Variants in HBS1L observed in about 807,000 individuals in gnomAD.
The protein encoded by HBS1L is HBS1 like translational GTPase, also known as HBS1-like protein.
A neutral mutation model predicts 88.9 loss-of-function variants in HBS1L; 55 were observed. The ratio of observed to expected loss-of-function variants is 0.62; its 90% confidence interval spans 0.50 to 0.77. The LOEUF (loss-of-function observed/expected upper bound fraction) is 0.77. Ranked by LOEUF, HBS1L falls within the 30% of genes least tolerant of loss-of-function variation. HBS1L has a pLI of 0.00. For missense variants in HBS1L, 741 were observed against 829.3 expected (o/e 0.89, Z 1.31); for synonymous variants, 267 against 288.5 (o/e 0.93, Z 0.76).
intron 13 of HBS1L, among the ~76,000 whole-genome samples, chr6:134,980,839 G>C (rs1461050762): frequency 6.6e-6 from 1 of 151,758 alleles, no homozygotes; most frequent in African/African-American, 2.4e-5. Flanking sequence ...ACTGGTTAAA[G>C]AGCCACAGTA....
At chr6:135,020,614 T>C (rs1255237907) in intron 4 of HBS1L, among the ~76,000 whole-genome samples, 2 of 152,064 alleles carry the variant, frequency 1.3e-5, no homozygotes, top group Admixed American at 6.5e-5. Flanking sequence ...CTATCAATGC[T>C]ATTATGAATA....
chr6:135,015,103 C>G (rs971237481), intron 4 of HBS1L, among the ~76,000 whole-genome samples: 1 of 152,040 alleles, frequency 6.6e-6, no homozygotes, highest in Admixed American at 6.6e-5. Flanking sequence ...GTTGGATAAT[C>G]AGGTTTACAG....
At chr6:135,042,898 C>A (rs966382376) in intron 2 of HBS1L, among the ~76,000 whole-genome samples, 1 of 151,612 alleles carries the variant, frequency 6.6e-6, no homozygotes, top group Non-Finnish European at 1.5e-5. Context: ...ACGGAAAATA[C>A]AGACTTTAAT....
Position 135,039,662 on chromosome 6 carries a change from T to G in HBS1L, c.341A>C (p.Lys114Thr), listed in dbSNP as rs780130663. ...TTGTTCCAGAACCCCTGACAAAGCC[T>G]TCTGCACATCAAACTTGTTCTTCAG... The part of the protein sequence containing the change: ...AVLKNKFDVQ[K>T]ALSGVLEQDR... The change falls in exon 4 of 18, where the codon AAG becomes ACG. Residue 114 changes from lysine (K) to threonine (T), a missense_variant. This residue lies in a region of HBS1L where 556 missense variants were observed against 598.4 expected (regional missense o/e 0.93). Coordinates refer to ENST00000367837, the MANE Select transcript of HBS1L (RefSeq NM_006620.4). 3.7e-5 allele frequency: 60 copies of G among 1,614,034 alleles called. No homozygotes were observed. The East Asian group carries it at 1.3e-3, about 34-fold the overall frequency.
chr6:135,002,714 G>A lies in HBS1L; in HGVS notation c.539+20C>T. On this transcript the variant is annotated intron_variant, in intron 5 of 17. Transcript: ENST00000367837. The stretch of plus-strand genomic sequence containing the variant: ...ACTTGGGGGTGGGGGTGGGGATGAG[G>A]GAGGTACTCAAAGTCTTACCCAGGC... 3 of 1,424,084 alleles carry A rather than the reference G, an allele frequency of 2.1e-6. No homozygotes were observed. The highest frequency in any genetic ancestry group is 3.0e-6 in the Non-Finnish European group (3 of 1,009,472). The allele number at this position is 1,424,084 out of a possible 1,614,324, so 88.2% of individuals were successfully genotyped here.
chr6:135,019,326 T>A (rs191777431), intron 4 of HBS1L, among the ~76,000 whole-genome samples: 2 of 151,958 alleles, frequency 1.3e-5, no homozygotes, highest in East Asian at 3.9e-4. Flanking sequence ...AGTGCACACT[T>A]GGAGACAAGA....
intron 4 of HBS1L, among the ~76,000 whole-genome samples, chr6:135,019,049 G>A (rs556100437): frequency 2.0e-5 from 3 of 151,910 alleles, no homozygotes; most frequent in South Asian, 4.2e-4. Flanking sequence ...TACCAACCAC[G>A]CACCAAGAAA....
At chr6:135,027,248 G>T (rs893894917) in intron 4 of HBS1L, 3 of 139,320 alleles carry the variant, frequency 2.2e-5, no homozygotes, top group Non-Finnish European at 4.6e-5. Flanking sequence ...GAAAAGTATT[G>T]TATTTTGTAT....
chr6:134,990,618 A>G (rs2114791156), intron 8 of HBS1L, among the ~76,000 whole-genome samples: 1 of 152,306 alleles, frequency 6.6e-6, no homozygotes, highest in African/African-American at 2.4e-5. Flanking sequence ...CCCTTCCCTC[A>G]CGGCTCACTG....
At chr6:135,039,478 A>G (rs1216247974) in intron 4 of HBS1L, 95 bp downstream of exon 4, 1 of 1,007,778 alleles carries the variant, frequency 9.9e-7, no homozygotes, top group Non-Finnish European at 1.5e-6. Context: ...TAGCTCAAGC[A>G]AATTAAATAT....
At position 134,962,101 on chromosome 6, in the gene HBS1L, A is replaced by G. The variant is rs1356728786; in HGVS notation, c.*3178T>C. 6.6e-6 allele frequency: 1 copy of G among 152,206 alleles called. No individual in the cohort carries two copies. The highest frequency in any genetic ancestry group is 6.5e-5 in the Admixed American group (1 of 15,286). The allele number at this position is 152,206 out of a possible 1,614,324, so 9.4% of individuals were successfully genotyped here. A position where few individuals can be genotyped will look rare whatever the true frequency, so the allele number is the denominator to read the frequency against. Reference sequence around the variant, plus strand: ...AAAGGATGAATGTTTTTCTACTTACATATTTCTATAAATATTTTAGAGGGA... The same window carrying G: ...AAAGGATGAATGTTTTTCTACTTACGTATTTCTATAAATATTTTAGAGGGA... On this transcript the variant is annotated 3_prime_UTR_variant, in exon 18 of 18. Transcript: ENST00000367837.
In HBS1L at chr6:135,042,127, C is replaced by G. The variant is rs1263448693; in HGVS notation, c.110-1G>C. The G allele has an allele frequency of 6.8e-6, 11 of 1,611,502 alleles. No individual in the cohort carries two copies. The highest frequency in any genetic ancestry group is 9.3e-6 in the Non-Finnish European group (11 of 1,178,590). The stretch of plus-strand genomic sequence containing the variant: ...CGCCGTGAATAAATAAACTGAGCAG[C>G]TAGAATATAAAATGATCAAAGAATG... On this transcript the variant is annotated splice_acceptor_variant, in intron 2 of 17. Coordinates refer to ENST00000367837, the MANE Select transcript of HBS1L (RefSeq NM_006620.4). LOFTEE classifies it high-confidence loss of function.
chr6:135,008,041 T>C (rs1775662254), intron 4 of HBS1L, among the ~76,000 whole-genome samples: 1 of 152,116 alleles, frequency 6.6e-6, no homozygotes, highest in Non-Finnish European at 1.5e-5. Context: ...ATTAAACCAC[T>C]AAGATGTCCT....
At chr6:135,050,443 T>A in intron 2 of HBS1L, 139 bp downstream of exon 2, 1 of 529,878 alleles carries the variant, frequency 1.9e-6, no homozygotes, top group South Asian at 2.8e-5. Context: ...TTATTTTATA[T>A]GCCTTTAATA....
At chr6:135,021,325 TA>T (rs1274389158) in intron 4 of HBS1L, among the ~76,000 whole-genome samples, 1 of 152,030 alleles carries the variant, frequency 6.6e-6, no homozygotes, top group Non-Finnish European at 1.5e-5. Context: ...TGGTTCTCAA[TA>T]AACAATATTA....
At chr6:135,036,793 G>T (rs1162914863) in intron 4 of HBS1L, 15 of 1,551,662 alleles carry the variant, frequency 9.7e-6, no homozygotes, top group Admixed American at 2.0e-5. Context: ...AGCAGCAAGG[G>T]CCTTGGTCCA....
chr6:134,966,813 T>G (rs1291370580), intron 16 of HBS1L, among the ~76,000 whole-genome samples: 1 of 151,562 alleles, frequency 6.6e-6, no homozygotes, highest in East Asian at 1.9e-4. Flanking sequence ...GAAAGTGAGT[T>G]CAATTATCTA....
rs1053432297 is a variant in HBS1L at position 134,987,536 on chromosome 6, A to T, written c.1230+109T>A. On this transcript the variant is annotated intron_variant, in intron 9 of 17. Transcript: ENST00000367837. ...GAACAGAGAATTTATTTTTAAAAAC[A>T]TGGCAACCGACTAATAAAATGTACA... The T allele has an allele frequency of 3.1e-5, 22 of 714,466 alleles. 2 individuals carry two copies. The highest frequency in any genetic ancestry group is 1.2e-4 in the Admixed American group (4 of 32,064). 44.3% of individuals were successfully genotyped at this position (714,466 alleles called of 1,614,324 possible).
At chr6:134,980,664 T>C (rs926504717) in intron 13 of HBS1L, among the ~76,000 whole-genome samples, 3 of 151,902 alleles carry the variant, frequency 2.0e-5, no homozygotes, top group Admixed American at 2.0e-4. Flanking sequence ...CTGTTCCACA[T>C]ATGACATTTA....
Sources: allele counts gnomAD v4.1 joint callset (sites outside exome capture counted in the v4.1 genomes callset), GRCh38; gene constraint gnomAD v4.1.1; regional missense constraint gnomAD v4.1.1; transcripts MANE v1.5; gene names NCBI Gene and HGNC (gene_info 2026-07-23, HGNC 2026-07-21).